Variants in ARAP2 observed in about 807,000 individuals in gnomAD.
ARAP2 encodes arf-GAP with Rho-GAP domain, ANK repeat and PH domain-containing protein 2.
Under a neutral mutation model 194.5 loss-of-function variants are expected in ARAP2, and 148 were observed. The ratio of observed to expected loss-of-function variants is 0.76; its 90% CI spans 0.67 to 0.87. ARAP2 has a LOEUF of 0.87. Ranked by LOEUF, ARAP2 falls within the 40% of genes least tolerant of loss-of-function variation. The pLI is 0.00. For synonymous variants in ARAP2, 695 were observed against 683.5 expected, an observed-to-expected ratio of 1.02 and a Z score of -0.26; for missense variants, 2,128 against 1,989.7, an observed-to-expected ratio of 1.07 and a Z score of -1.32.
rs565536711 is a variant in ARAP2, at chr4:36,066,305, T to G, written c.*1602A>C. 1.3e-5 allele frequency: 2 copies of G among 152,312 alleles called. No homozygotes were observed. Among genetic ancestry groups the G allele is most frequent in the South Asian group, 4.1e-4 (2 of 4,832 alleles). 9.4% of individuals were successfully genotyped at this position (152,312 alleles called of 1,614,324 possible). Reference sequence around the variant, plus strand: ...TTTTCTTTCTAAATAACATGATTTCTTGCTTTAAAGGAAGATTCCCTAATA... The same window carrying G: ...TTTTCTTTCTAAATAACATGATTTCGTGCTTTAAAGGAAGATTCCCTAATA... On this transcript the variant is annotated 3_prime_UTR_variant, in exon 33 of 33. Transcript: ENST00000303965.
At chr4:36,216,632 C>T (rs1028986791) in intron 2 of ARAP2, among the ~76,000 whole-genome samples, 5 of 151,700 alleles carry the variant, frequency 3.3e-5, no homozygotes, top group Non-Finnish European at 5.9e-5. Context: ...GATTTATTCT[C>T]AATAATCAAA....
At chr4:36,217,842 T>A (rs776431831) in intron 2 of ARAP2, among the ~76,000 whole-genome samples, 2 of 150,972 alleles carry the variant, frequency 1.3e-5, no homozygotes, top group African/African-American at 4.9e-5. Context: ...TAATACTAGA[T>A]ATATGATAAT....
chr4:36,234,542 T>C (rs1490948062), intron 1 of ARAP2, among the ~76,000 whole-genome samples: 1 of 152,168 alleles, frequency 6.6e-6, no homozygotes, highest in Non-Finnish European at 1.5e-5. Context: ...CCATAGATAG[T>C]GTAATATAAA....
chr4:36,114,286 AT>A lies in ARAP2; in HGVS notation c.4039del (p.Ile1347TyrfsTer4). 1 of 1,550,706 alleles carries A rather than the reference AT, an allele frequency of 6.4e-7. No homozygotes were observed. Among genetic ancestry groups the A allele is most frequent in the Admixed American group, 1.8e-5 (1 of 56,708 alleles). On this transcript the variant is annotated frameshift_variant and splice_region_variant, in exon 26 of 33. Coordinates refer to ENST00000303965, the MANE Select transcript of ARAP2 (RefSeq NM_015230.4). LOFTEE classifies it high-confidence loss of function. ...TTCTTCTGCTTCCATCACAGGAGAT[AT>A]CTGTAAGAGAAGTAATATTTTTTCA... ...KEPDCSIIIR[I>X]SPVMEAEELT...
At chr4:36,198,623 G>T (rs967221006) in intron 6 of ARAP2, among the ~76,000 whole-genome samples, 16 of 152,356 alleles carry the variant, frequency 1.1e-4, no homozygotes, top group African/African-American at 3.8e-4. Context: ...GAGGCAGCAG[G>T]GAGCTGGCAT....
intron 27 of ARAP2, among the ~76,000 whole-genome samples, chr4:36,093,645 G>A (rs891489172): frequency 6.6e-6 from 1 of 152,054 alleles, no homozygotes; most frequent in Admixed American, 6.6e-5. Flanking sequence ...ATTGTATTTT[G>A]GATTCAGGGG....
chr4:36,196,844 T>C (rs1743220990), intron 6 of ARAP2, among the ~76,000 whole-genome samples: 1 of 151,800 alleles, frequency 6.6e-6, no homozygotes, highest in Non-Finnish European at 1.5e-5. Flanking sequence ...TCTTGCCTCA[T>C]GGCCTTCCCA....
At chr4:36,157,041 AAAG>A (rs1426633776) in intron 15 of ARAP2, among the ~76,000 whole-genome samples, 1 of 152,204 alleles carries the variant, frequency 6.6e-6, no homozygotes, top group Admixed American at 6.5e-5. Flanking sequence ...AGAAAATATT[AAAG>A]AAGACTAGTA....
At chr4:36,084,623 C>T (rs1730395105) in intron 28 of ARAP2, among the ~76,000 whole-genome samples, 1 of 152,022 alleles carries the variant, frequency 6.6e-6, no homozygotes, top group South Asian at 2.1e-4. Flanking sequence ...TTTCTTTACA[C>T]CTCTCGCAAT....
At chr4:36,226,403 CAGA>C (rs2109329787) in intron 2 of ARAP2, among the ~76,000 whole-genome samples, 1 of 152,180 alleles carries the variant, frequency 6.6e-6, no homozygotes, top group East Asian at 1.9e-4. Context: ...TCCTTAAAAG[CAGA>C]AGATGAAATT....
intron 19 of ARAP2, among the ~76,000 whole-genome samples, chr4:36,134,747 CA>C: frequency 7.2e-6 from 1 of 138,452 alleles, no homozygotes; most frequent in Admixed American, 7.2e-5. Flanking sequence ...CACACACACA[CA>C]CACACACACA....
At chr4:36,107,365 C>T (rs1472744251) in intron 27 of ARAP2, among the ~76,000 whole-genome samples, 200 bp downstream of exon 27, 1 of 151,976 alleles carries the variant, frequency 6.6e-6, no homozygotes, top group Non-Finnish European at 1.5e-5. Flanking sequence ...TCAAATTAGC[C>T]AACTATTACC....
chr4:36,155,421 A>G (rs1732021905), intron 15 of ARAP2, among the ~76,000 whole-genome samples: 1 of 152,170 alleles, frequency 6.6e-6, no homozygotes, highest in Non-Finnish European at 1.5e-5. Context: ...TGATTCCTGA[A>G]TAAGAAGAAG....
rs769801330 is a variant in ARAP2, at chr4:36,229,188, T to G, written c.299A>C (p.Gln100Pro). 9.1e-5 allele frequency: 147 copies of G among 1,614,056 alleles called. No homozygotes were observed. The highest frequency in any genetic ancestry group is 1.2e-4 in the Non-Finnish European group (138 of 1,180,010). Residue 100 changes from glutamine (Q) to proline (P), a missense_variant, in exon 2 of 33, where the codon CAG (glutamine) becomes CCG (proline). Gln to Pro is a moderately conservative substitution (Grantham distance 76). Transcript: ENST00000303965. ...SKDYHVPSSDQNICIELSNSG... is the reference protein window; with the variant it reads ...SKDYHVPSSDPNICIELSNSG... ...ATTGGAAAGTTCTATGCAGATATTCTGATCAGAAGATGGAACATGGTAATC... is the reference window on the plus strand; with the variant it reads ...ATTGGAAAGTTCTATGCAGATATTCGGATCAGAAGATGGAACATGGTAATC...
chr4:36,025,009 T>A (rs1683217609), intron 5 of ARAP2, among the ~76,000 whole-genome samples: 1 of 152,178 alleles, frequency 6.6e-6, no homozygotes, highest in Admixed American at 6.6e-5. Flanking sequence ...TCAGAAAATG[T>A]ACTAGTCCCT....
At chr4:36,230,642 T>C (rs1221976057) in intron 1 of ARAP2, among the ~76,000 whole-genome samples, 1 of 152,198 alleles carries the variant, frequency 6.6e-6, no homozygotes, top group African/African-American at 2.4e-5. Flanking sequence ...TTTATGAAAA[T>C]GCATATGTGC....
chr4:36,150,049 A>C (rs185049963), intron 16 of ARAP2, among the ~76,000 whole-genome samples: 1 of 152,334 alleles, frequency 6.6e-6, no homozygotes, highest in African/African-American at 2.4e-5. Context: ...ACAAAGATTT[A>C]TTTAAACCAT....
downstream of ARAP2, among the ~76,000 whole-genome samples, chr4:36,064,765 A>T (rs1271785171): frequency 6.6e-6 from 1 of 152,146 alleles, no homozygotes; most frequent in East Asian, 1.9e-4. Flanking sequence ...GTCACAGGGC[A>T]TGGGCCCAGG....
chr4:36,077,843 G>C (rs1338002162), intron 31 of ARAP2, among the ~76,000 whole-genome samples: 1 of 152,030 alleles, frequency 6.6e-6, no homozygotes, highest in Non-Finnish European at 1.5e-5. Flanking sequence ...AATAAAACAA[G>C]ACAGTGATGA....
Sources: gnomAD v4.1 joint callset for allele counts (sites outside exome capture counted in the v4.1 genomes callset) on GRCh38, gnomAD v4.1.1 for gene constraint, MANE v1.5 for transcripts, NCBI Gene and HGNC (gene_info 2026-07-23, HGNC 2026-07-21) for gene names.